BICDL1: variants seen among roughly 807,000 people sequenced by gnomAD.
The protein encoded by BICDL1 is BICD family like cargo adaptor 1.
Under a neutral mutation model 76.8 loss-of-function variants are expected in BICDL1, and 20 were observed. That is an observed-to-expected ratio of 0.26 (90% CI 0.18 to 0.38). BICDL1 has a LOEUF of 0.38. BICDL1 is among the 10% of genes least tolerant of loss of function. BICDL1 has a pLI of 1.00. For missense variants in BICDL1, 700 were observed against 798.6 expected (o/e 0.88, Z 1.49); for synonymous variants, 383 against 337.1 (o/e 1.14, Z -1.49).
intron 1 of BICDL1, among the ~76,000 whole-genome samples, chr12:119,996,972 G>T (rs1457603908): frequency 1.3e-5 from 2 of 148,310 alleles, no homozygotes; most frequent in African/African-American, 5.0e-5. Context: ...TTTTTGAGAC[G>T]GAGTCTCGCT....
At position 120,071,713 on chromosome 12, in the gene BICDL1, T is replaced by C; in HGVS notation, c.1001T>C (p.Leu334Pro). ...KVEELTEERSLQSSAATSTSL... is the reference protein window; with the variant it reads ...KVEELTEERSPQSSAATSTSL... ...GAAGAACTCACTGAGGAGAGGAGTC[T>C]GCAGAGCTCTGCCGCCACCAGCACA... The change falls in exon 5 of 10, where the codon CTG becomes CCG. Residue 334 changes from leucine (L) to proline (P), a missense_variant. By Grantham distance (98) the Leu-to-Pro change is moderately conservative. Around this residue, in one of 3 missense-constraint regions of BICDL1, gnomAD observed 455 missense variants for 548.7 expected, o/e 0.83. Transcript: ENST00000548673. This position sits in a 1 kb window ranked among gnomAD's most constrained non-coding sequence, Gnocchi z 4.8. 6.2e-7 allele frequency: 1 copy of C among 1,612,432 alleles called. No individual in the cohort carries two copies. The highest frequency in any genetic ancestry group is 1.3e-5 in the African/African-American group (1 of 74,996).
At chr12:119,992,942 ACCTTTCT>A (rs1951555909) in intron 1 of BICDL1, 1 of 151,908 alleles carries the variant, frequency 6.6e-6, no homozygotes. Context: ...CAAAATTGGC[ACCTTTCT>A]TCCACCCCCC....
intron 7 of BICDL1, chr12:120,080,571 A>G: frequency 4.2e-6 from 1 of 235,296 alleles, no homozygotes; most frequent in Non-Finnish European, 8.7e-6. Context: ...TTCACTTGTT[A>G]CCTGGAGTGC....
chr12:120,018,796 A>T (rs559075016), intron 2 of BICDL1: 5 of 152,382 alleles, frequency 3.3e-5, no homozygotes, highest in African/African-American at 1.2e-4. Flanking sequence ...ATGTAATCCC[A>T]GCACTTTGGG....
Position 120,094,125 on chromosome 12 carries a change from G to T in BICDL1, c.*964G>T, listed in dbSNP as rs751882392. 1 of 438,544 alleles carries T rather than the reference G, an allele frequency of 2.3e-6. No individual in the cohort carries two copies. Among genetic ancestry groups the T allele is most frequent in the South Asian group, 1.6e-5 (1 of 62,886 alleles). The allele number at this position is 438,544 out of a possible 1,614,324, so 27.2% of individuals were successfully genotyped here. ...AGGGGGAGGCTGCCGGAAGCCTCCAGATGCTGCCTGCCTGCCTGCAGAAGC... is the reference window on the plus strand; with the variant it reads ...AGGGGGAGGCTGCCGGAAGCCTCCATATGCTGCCTGCCTGCCTGCAGAAGC... On this transcript the variant is annotated 3_prime_UTR_variant, in exon 10 of 10. Transcript: ENST00000548673.
chr12:119,993,697 A>C (rs766959850), intron 1 of BICDL1, among the ~76,000 whole-genome samples: 1 of 151,482 alleles, frequency 6.6e-6, no homozygotes, highest in African/African-American at 2.4e-5. Flanking sequence ...GCTCACTGCA[A>C]CCTCTCTGCC....
At chr12:120,085,501 G>C (rs1053748774) in intron 8 of BICDL1, among the ~76,000 whole-genome samples, 1 of 152,130 alleles carries the variant, frequency 6.6e-6, no homozygotes, top group African/African-American at 2.4e-5. Context: ...GATGCTTATC[G>C]TGGAAGTCCA....
chr12:120,053,059 C>T (rs182373959), intron 2 of BICDL1, among the ~76,000 whole-genome samples: 34 of 152,198 alleles, frequency 2.2e-4, no homozygotes, highest in African/African-American at 5.3e-4. Context: ...GGATTACAGG[C>T]GTGAGCTACC....
chr12:120,046,070 G>A (rs1159422569), intron 2 of BICDL1, among the ~76,000 whole-genome samples: 27 of 152,070 alleles, frequency 1.8e-4, no homozygotes, highest in Admixed American at 1.8e-3. Flanking sequence ...TAGCTGGGTG[G>A]TAATTATTTT....
chr12:119,997,558 C>G (rs1951676216), intron 1 of BICDL1, among the ~76,000 whole-genome samples: 1 of 152,168 alleles, frequency 6.6e-6, no homozygotes, highest in Non-Finnish European at 1.5e-5. Flanking sequence ...TTTTGAATTA[C>G]ATTGCTATAT....
chr12:120,041,778 G>C (rs1295687084), intron 2 of BICDL1, among the ~76,000 whole-genome samples: 1 of 152,138 alleles, frequency 6.6e-6, no homozygotes, highest in Non-Finnish European at 1.5e-5. Context: ...TTTGAAATAA[G>C]AGTCTGCTCA....
chr12:119,998,854 A>G (rs77211221), intron 2 of BICDL1, 118 bp downstream of exon 2: 125,506 of 950,398 alleles, frequency 0.13, 11,191 homozygotes, highest in East Asian at 0.42. Context: ...GAAGCACTTC[A>G]GACCAATCTG....
At chr12:120,068,810 A>G (rs1474171651) in intron 4 of BICDL1, among the ~76,000 whole-genome samples, 1 of 152,174 alleles carries the variant, frequency 6.6e-6, no homozygotes, top group African/African-American at 2.4e-5. Context: ...AGACTCAAAA[A>G]AAATAGCATT....
intron 2 of BICDL1, among the ~76,000 whole-genome samples, chr12:120,013,332 T>C (rs562937658): frequency 1.1e-3 from 170 of 150,432 alleles, no homozygotes; most frequent in Non-Finnish European, 2.0e-3. Context: ...AAAAAAATTA[T>C]AAAGCCTGTG....
intron 2 of BICDL1, among the ~76,000 whole-genome samples, chr12:120,018,463 GTGTC>G (rs1952110633): frequency 6.6e-6 from 1 of 152,186 alleles, no homozygotes. Flanking sequence ...AGCACAGTCA[GTGTC>G]TGAGAAAGAT....
chr12:120,025,136 G>A (rs998113029), intron 2 of BICDL1, among the ~76,000 whole-genome samples: 3 of 147,516 alleles, frequency 2.0e-5, no homozygotes, highest in Admixed American at 6.9e-5. Context: ...TGCAGGCTCC[G>A]CCCCCTGGGG....
At chr12:120,089,069 G>A (rs757943989) in intron 8 of BICDL1, among the ~76,000 whole-genome samples, 6 of 152,300 alleles carry the variant, frequency 3.9e-5, no homozygotes, top group Middle Eastern at 3.4e-3. Context: ...GGCTATCTTC[G>A]CACACCTCTG....
intron 2 of BICDL1, chr12:120,000,490 T>A (rs1003445350): frequency 6.6e-6 from 1 of 152,242 alleles, no homozygotes; most frequent in Non-Finnish European, 1.5e-5. Context: ...CAGAGAGGCC[T>A]GGCTAGATTG....
At chr12:120,040,526 C>T (rs1194474217) in intron 2 of BICDL1, among the ~76,000 whole-genome samples, 2 of 152,058 alleles carry the variant, frequency 1.3e-5, no homozygotes, top group Non-Finnish European at 2.9e-5. Context: ...AGCCATCCTC[C>T]TACCTCAGCC....
Sources: gnomAD v4.1 joint callset for allele counts (sites outside exome capture counted in the v4.1 genomes callset) on GRCh38, gnomAD v4.1.1 for gene constraint, gnomAD v4.1.1 regional missense constraint, Gnocchi (gnomAD v3.1) non-coding constraint, MANE v1.5 for transcripts, NCBI Gene and HGNC (gene_info 2026-07-23, HGNC 2026-07-21) for gene names.